Variants in PRKAR1A observed in about 807,000 individuals in gnomAD.
PRKAR1A encodes cAMP-dependent protein kinase type I-alpha regulatory subunit.
In PRKAR1A, 3 loss-of-function variants were observed where a neutral mutation model predicts 52.0. That is an observed-to-expected ratio of 0.06 (90% CI 0.03 to 0.15). PRKAR1A has a LOEUF of 0.15. Among genes scored for constraint, PRKAR1A ranks in the 10% least tolerant of loss-of-function variants. The pLI, the probability that PRKAR1A is intolerant of heterozygous loss-of-function variation, is 1.00. For missense variants in PRKAR1A, 240 were observed against 477.4 expected (o/e 0.50, Z 4.63); for synonymous variants, 188 against 168.4 (o/e 1.12, Z -0.90).
chr17:68,536,459 A>G (rs1382206313), downstream of PRKAR1A: 1 of 454,008 alleles, frequency 2.2e-6, no homozygotes, highest in East Asian at 6.9e-5. Flanking sequence ...GAGACAAGGA[A>G]TCCCTACTAC....
At chr17:68,511,087 C>CT (rs1403358287), upstream of PRKAR1A, among the ~76,000 whole-genome samples, 1 of 152,128 alleles carries the variant, frequency 6.6e-6, no homozygotes, top group African/African-American at 2.4e-5. Flanking sequence ...TATTGAGCTA[C>CT]TTTTTTGTAT....
At chr17:68,433,786 T>G in the PRKAR1A span, among the ~76,000 whole-genome samples, 665 of 65,560 alleles carry the variant, frequency 0.01, 39 homozygotes, top group Non-Finnish European at 0.015. Flanking sequence ...TTTTTTTTTT[T>G]TTTTTTTTTT....
intron 2 of PRKAR1A, among the ~76,000 whole-genome samples, chr17:68,517,988 C>T (rs1215646159): frequency 3.3e-5 from 5 of 152,172 alleles, no homozygotes; most frequent in South Asian, 2.1e-4. Context: ...CGAAATCCAA[C>T]GAGGCAGTAA....
At chr17:68,506,462 T>C in the PRKAR1A span, among the ~76,000 whole-genome samples, 54 of 150,092 alleles carry the variant, frequency 3.6e-4, 1 homozygote, top group African/African-American at 1.3e-3. Flanking sequence ...ATGTTATTGC[T>C]GGCCCCTTCA....
the PRKAR1A span, among the ~76,000 whole-genome samples, chr17:68,496,410 CT>C: frequency 6.6e-6 from 1 of 152,134 alleles, no homozygotes; most frequent in Non-Finnish European, 1.5e-5. Flanking sequence ...CTGATACTAG[CT>C]TTCTATCTTC....
At position 68,532,513 on chromosome 17, in the gene PRKAR1A, GTA is replaced by G; in HGVS notation, c.*2068_*2069del. ...AAAGCTTTATCTTTGTGTAATCTAA[GTA>G]TATGTGAGAAATCAGAATTGGCATA... On this transcript the variant is annotated 3_prime_UTR_variant, in exon 11 of 11. Transcript: ENST00000589228. The G allele has an allele frequency of 9.4e-7, 1 of 1,062,588 alleles. No homozygotes were observed. Among genetic ancestry groups the G allele is most frequent in the African/African-American group, 1.6e-5 (1 of 61,064 alleles). 65.8% of individuals were successfully genotyped at this position (1,062,588 alleles called of 1,614,324 possible).
At chr17:68,543,744 G>T (rs748042234) in intron 11 of PRKAR1A, 6 of 1,595,216 alleles carry the variant, frequency 3.8e-6, no homozygotes, top group Non-Finnish European at 5.2e-6. Context: ...AAGGAATCAC[G>T]CCCTGGACTC....
the PRKAR1A span, among the ~76,000 whole-genome samples, chr17:68,494,923 T>C: frequency 2.0e-5 from 3 of 152,232 alleles, no homozygotes; most frequent in African/African-American, 7.2e-5. Context: ...TGTTAACTTG[T>C]TAGATAGCCG....
chr17:68,541,669 CTG>C (rs35557745), intron 11 of PRKAR1A: 54,815 of 263,172 alleles, frequency 0.21, 6,061 homozygotes, highest in South Asian at 0.25. Flanking sequence ...AAGTGCTGTG[CTG>C]TGTTTTCGTG....
In PRKAR1A at chr17:68,531,911, G is replaced by A. The variant is rs190675889; in HGVS notation, c.*1462G>A. 7.5e-6 allele frequency: 8 copies of A among 1,059,920 alleles called. No individual in the cohort carries two copies. The African/African-American group carries it at 1.3e-4, about 17-fold the overall frequency. The allele number at this position is 1,059,920 out of a possible 1,614,324, so 65.7% of individuals were successfully genotyped here. ...ATAAGGTAATGTAGGGTTATATTTG[G>A]GAGTGACTGCAAGCATTTTTCCATC... On this transcript the variant is annotated 3_prime_UTR_variant, in exon 11 of 11. Transcript: ENST00000589228.
the PRKAR1A span, among the ~76,000 whole-genome samples, chr17:68,432,972 C>A: frequency 1.3e-5 from 2 of 152,172 alleles, no homozygotes; most frequent in Non-Finnish European, 2.9e-5. Context: ...TTAGGCTTTT[C>A]TTTCACTTTT....
chr17:68,457,274 AG>A, the PRKAR1A span: 1 of 1,518,122 alleles, frequency 6.6e-7, no homozygotes, highest in South Asian at 1.2e-5. Context: ...AGCTGCTCTC[AG>A]GACGACACCC....
chr17:68,515,351 G>T lies in PRKAR1A; in HGVS notation c.-6-43G>T, dbSNP rs777325958. 1.9e-6 allele frequency: 3 copies of T among 1,606,510 alleles called. No individual in the cohort carries two copies. The African/African-American group carries it at 4.0e-5, about 21-fold the overall frequency. ...AAGTTAAATGCCAGATTGACATTTT[G>T]CTTTATAGTTTATACAAGCATGTGT... is the stretch of plus-strand genomic sequence containing the variant. On this transcript the variant is annotated intron_variant, in intron 1 of 10. Transcript: ENST00000589228.
the PRKAR1A span, among the ~76,000 whole-genome samples, chr17:68,470,362 G>T: frequency 4.6e-5 from 7 of 152,332 alleles, no homozygotes; most frequent in African/African-American, 1.7e-4. Context: ...TTACAAGCAT[G>T]AGCCACCGTG....
the PRKAR1A span, among the ~76,000 whole-genome samples, chr17:68,491,459 T>C: frequency 2.0e-5 from 3 of 152,190 alleles, no homozygotes; most frequent in Admixed American, 6.5e-5. Flanking sequence ...AGCCTGTTTT[T>C]CAGCTCACTG....
At chr17:68,536,125 C>T (rs921700001), downstream of PRKAR1A, 6 of 453,950 alleles carry the variant, frequency 1.3e-5, no homozygotes, top group Middle Eastern at 6.8e-4. Flanking sequence ...GGGGGTACCA[C>T]GGGGTCAGAA....
At chr17:68,510,782 C>T (rs2085253546), upstream of PRKAR1A, among the ~76,000 whole-genome samples, 1 of 152,208 alleles carries the variant, frequency 6.6e-6, no homozygotes, top group Non-Finnish European at 1.5e-5. Flanking sequence ...CCATTCCCCC[C>T]TGTAAGCCTG....
the PRKAR1A span, among the ~76,000 whole-genome samples, chr17:68,426,336 A>G: frequency 6.8e-4 from 103 of 151,666 alleles, 2 homozygotes; most frequent in Middle Eastern, 3.4e-3. Context: ...CATAATCCTC[A>G]CCATCTGCCA....
chr17:68,464,527 A>C, the PRKAR1A span, among the ~76,000 whole-genome samples: 7 of 152,100 alleles, frequency 4.6e-5, no homozygotes, highest in African/African-American at 1.7e-4. Context: ...CTAAAAATAC[A>C]AAAATTAGCT....
Sources: gnomAD v4.1 joint callset for allele counts (sites outside exome capture counted in the v4.1 genomes callset) on GRCh38, gnomAD v4.1.1 for gene constraint, MANE v1.5 for transcripts, NCBI Gene and HGNC (gene_info 2026-07-23, HGNC 2026-07-21) for gene names.